AKAP7: variants seen among roughly 807,000 people sequenced by gnomAD.
AKAP7 encodes the protein A-kinase anchoring protein 7.
AKAP7 carries 39 observed loss-of-function variants against 39.5 expected under a neutral mutation model. The observed-to-expected ratio is 0.99, with a 90% CI of 0.76 to 1.29. The LOEUF (loss-of-function observed/expected upper bound fraction) is 1.29, where lower values mean the gene tolerates loss of function less well. AKAP7 is among the 50% of genes most tolerant of loss of function. The probability of loss-of-function intolerance (pLI) is 0.00; values close to 1 mark genes in which losing one functional copy is unlikely to be tolerated. For synonymous variants in AKAP7, 140 were observed against 139.1 expected, an observed-to-expected ratio of 1.01 and a Z score of -0.05; for missense variants, 414 against 407.7, an observed-to-expected ratio of 1.02 and a Z score of -0.13.
chr6:131,145,377 A>G lies in AKAP7; in HGVS notation c.112A>G (p.Met38Val). 6.4e-7 allele frequency: 1 copy of G among 1,567,168 alleles called. No homozygotes were observed. Among genetic ancestry groups the G allele is most frequent in the Non-Finnish European group, 8.7e-7 (1 of 1,156,044 alleles). ...EANTMDSLVD[M>V]PFATVDIQDD... is the part of the protein sequence containing the mutation. ...CAATACTATGGATTCTCTGGTAGAC[A>G]TGCCATTTGCTACTGTAGATATTCA... Residue 38 changes from methionine (M) to valine (V), a missense_variant, in exon 2 of 8, where the codon ATG (methionine) becomes GTG (valine). Met to Val is a conservative substitution (Grantham distance 21). Transcript: ENST00000431975.
chr6:131,226,488 C>A (rs764756619), intron 7 of AKAP7, among the ~76,000 whole-genome samples: 1 of 152,138 alleles, frequency 6.6e-6, no homozygotes, highest in Non-Finnish European at 1.5e-5. Context: ...AAGGTGAAAA[C>A]CCTACTTCTT....
chr6:131,206,084 C>G (rs1808071651), intron 6 of AKAP7, among the ~76,000 whole-genome samples: 1 of 152,154 alleles, frequency 6.6e-6, no homozygotes, highest in Non-Finnish European at 1.5e-5. Flanking sequence ...CAGAAGAAGA[C>G]AAGTTTCAAA....
chr6:131,165,650 A>G (rs369910811), intron 4 of AKAP7, among the ~76,000 whole-genome samples: 22 of 152,316 alleles, frequency 1.4e-4, no homozygotes, highest in African/African-American at 5.3e-4. Context: ...TAGGCACTCT[A>G]TTATTAGCTA....
chr6:131,141,536 AG>A (rs910821201), intron 1 of AKAP7, among the ~76,000 whole-genome samples: 52 of 152,346 alleles, frequency 3.4e-4, no homozygotes, highest in African/African-American at 8.4e-4. Context: ...ACTAAAGAGC[AG>A]GGTGTTGCTG....
At chr6:131,231,370 T>C (rs79941041) in intron 7 of AKAP7, among the ~76,000 whole-genome samples, 2 of 152,192 alleles carry the variant, frequency 1.3e-5, no homozygotes, top group South Asian at 2.1e-4. Context: ...CGTTTTTTTT[T>C]CTTTCTTTGC....
chr6:131,140,589 A>G (rs1800948399), intron 1 of AKAP7, among the ~76,000 whole-genome samples: 2 of 152,230 alleles, frequency 1.3e-5, no homozygotes, highest in Admixed American at 6.5e-5. Flanking sequence ...CTTGGAAGCT[A>G]GTAGTGAGAT....
At chr6:131,165,312 A>C (rs1803374193) in intron 4 of AKAP7, 95 bp downstream of exon 4, 1 of 859,984 alleles carries the variant, frequency 1.2e-6, no homozygotes, top group African/African-American at 1.7e-5. Flanking sequence ...TAAATTTTAA[A>C]GAAGTAGTCT....
At chr6:131,222,197 T>C (rs1286506300) in intron 7 of AKAP7, among the ~76,000 whole-genome samples, 23 of 152,170 alleles carry the variant, frequency 1.5e-4, no homozygotes, top group Admixed American at 1.5e-3. Flanking sequence ...GATTCAAGAC[T>C]GCATTGGAGG....
Position 131,219,804 on chromosome 6 carries a change from G to GA in AKAP7, c.847dup (p.Ile283AsnfsTer3), listed in dbSNP as rs1809544823. On this transcript the variant is annotated frameshift_variant, in exon 7 of 8. Coordinates refer to ENST00000431975, the MANE Select transcript of AKAP7 (RefSeq NM_016377.4). LOFTEE classifies it high-confidence loss of function. ...ATTATCACTGTGAATCTTCCATTGT[G>GA]ATTGGTGAGTGTCATTTAAAAATTA... 6.5e-7 allele frequency: 1 copy of GA among 1,533,252 alleles called. No homozygotes were observed. The highest frequency in any genetic ancestry group is 1.4e-5 in the African/African-American group (1 of 70,774). The allele number at this position is 1,533,252 out of a possible 1,614,324, so 95.0% of individuals were successfully genotyped here.
intron 6 of AKAP7, among the ~76,000 whole-genome samples, chr6:131,208,749 C>CT (rs1240641637): frequency 2.6e-5 from 4 of 152,080 alleles, no homozygotes; most frequent in Admixed American, 6.6e-5. Context: ...AACAGAGATT[C>CT]TTTTTTTCCC....
intron 5 of AKAP7, among the ~76,000 whole-genome samples, chr6:131,186,077 G>T (rs1331596813): frequency 6.6e-6 from 1 of 152,178 alleles, no homozygotes; most frequent in African/African-American, 2.4e-5. Context: ...AAAGACTGCT[G>T]ATGTAGTTTG....
chr6:131,135,949 C>T (rs1022224618), intron 1 of AKAP7, among the ~76,000 whole-genome samples, 167 bp downstream of exon 1: 1 of 152,108 alleles, frequency 6.6e-6, no homozygotes, highest in African/African-American at 2.4e-5. Context: ...CCGGTGCAAC[C>T]GGGGTGTACA....
chr6:131,206,489 G>A (rs1808107575), intron 6 of AKAP7, among the ~76,000 whole-genome samples: 1 of 152,148 alleles, frequency 6.6e-6, no homozygotes, highest in South Asian at 2.1e-4. Flanking sequence ...GGGGAGTGGA[G>A]AAGAGGATAT....
intron 1 of AKAP7, chr6:131,136,898 A>G (rs1800591625): frequency 1.4e-5 from 14 of 982,694 alleles, no homozygotes; most frequent in Non-Finnish European, 1.7e-5. Context: ...GGATGCCCTT[A>G]GCCCTTTCCA....
intron 2 of AKAP7, among the ~76,000 whole-genome samples, chr6:131,147,847 G>A (rs767639080): frequency 6.6e-6 from 1 of 152,124 alleles, no homozygotes; most frequent in Non-Finnish European, 1.5e-5. Context: ...CCAGCTGCAG[G>A]CACTTCTGAT....
intron 6 of AKAP7, among the ~76,000 whole-genome samples, chr6:131,206,378 C>T (rs562294255): frequency 3.1e-4 from 47 of 152,120 alleles, no homozygotes; most frequent in Non-Finnish European, 6.0e-4. Flanking sequence ...AAATTATTAG[C>T]GACTTTCACT....
At chr6:131,155,761 G>A (rs983451775) in intron 2 of AKAP7, among the ~76,000 whole-genome samples, 1 of 152,000 alleles carries the variant, frequency 6.6e-6, no homozygotes, top group African/African-American at 2.4e-5. Flanking sequence ...AAGAATGGAT[G>A]GATTTAAGCA....
chr6:131,179,779 G>A (rs1804952646), intron 5 of AKAP7, among the ~76,000 whole-genome samples: 1 of 152,068 alleles, frequency 6.6e-6, no homozygotes, highest in South Asian at 2.1e-4. Context: ...TGAGGTGGAA[G>A]GATTGCTTGA....
At chr6:131,244,313 G>A (rs1811829153) in intron 7 of AKAP7, among the ~76,000 whole-genome samples, 1 of 152,122 alleles carries the variant, frequency 6.6e-6, no homozygotes, top group South Asian at 2.1e-4. Context: ...CACCTACTCT[G>A]GTGGCACCCG....
Sources: gnomAD v4.1 joint callset for allele counts (sites outside exome capture counted in the v4.1 genomes callset) on GRCh38, gnomAD v4.1.1 for gene constraint, MANE v1.5 for transcripts, NCBI Gene and HGNC (gene_info 2026-07-23, HGNC 2026-07-21) for gene names.